KCNIP1: variants seen among roughly 807,000 people sequenced by gnomAD.
KCNIP1 encodes A-type potassium channel modulatory protein KCNIP1.
In KCNIP1, 18 loss-of-function variants were observed where a neutral mutation model predicts 33.0. The ratio of observed to expected loss-of-function variants is 0.55; its 90% CI spans 0.38 to 0.81. KCNIP1 has a LOEUF of 0.81. KCNIP1 is among the 30% of genes least tolerant of loss of function. KCNIP1 has a pLI of 0.00. For synonymous variants in KCNIP1, 93 were observed against 98.3 expected (o/e 0.95, Z 0.32); for missense variants, 238 against 271.6 (o/e 0.88, Z 0.87).
intron 1 of KCNIP1, among the ~76,000 whole-genome samples, chr5:170,707,278 G>A (rs1013429758): frequency 8.6e-5 from 13 of 151,994 alleles, no homozygotes; most frequent in African/African-American, 3.1e-4. Flanking sequence ...TGACATTTCT[G>A]CCTTGCAGCC....
chr5:170,714,275 C>G (rs1304066993), intron 1 of KCNIP1, among the ~76,000 whole-genome samples: 1 of 152,110 alleles, frequency 6.6e-6, no homozygotes, highest in African/African-American at 2.4e-5. Context: ...AGCGAGTTTG[C>G]AATTTGTGCT....
intron 1 of KCNIP1, among the ~76,000 whole-genome samples, chr5:170,567,916 A>T (rs182598053): frequency 9.8e-4 from 150 of 152,298 alleles, no homozygotes; most frequent in African/African-American, 3.5e-3. Flanking sequence ...CCCAGGCTAC[A>T]TCCTTGGCAA....
chr5:170,716,334 T>C (rs11134646), intron 1 of KCNIP1, among the ~76,000 whole-genome samples: 3,755 of 152,352 alleles, frequency 0.025, 66 homozygotes, highest in Non-Finnish European at 0.032. Context: ...ATTTCACTTA[T>C]ATACATGTGT....
chr5:170,532,847 CCTCCTCTTCCTCCTT>C (rs528292893), intron 1 of KCNIP1, among the ~76,000 whole-genome samples: 5 of 152,142 alleles, frequency 3.3e-5, no homozygotes, highest in Admixed American at 6.6e-5. Flanking sequence ...CTGATCCTCT[CCTCCTCTTCCTCCTT>C]CTCCTCTTCC....
chr5:170,447,996 T>C (rs1409214675), intron 1 of KCNIP1, among the ~76,000 whole-genome samples: 1 of 151,922 alleles, frequency 6.6e-6, no homozygotes, highest in Non-Finnish European at 1.5e-5. Flanking sequence ...TGAGAAGCCC[T>C]CCCAGATCAC....
At chr5:170,540,699 C>T (rs1756169231) in intron 1 of KCNIP1, among the ~76,000 whole-genome samples, 1 of 152,146 alleles carries the variant, frequency 6.6e-6, no homozygotes, top group Non-Finnish European at 1.5e-5. Flanking sequence ...TACCATGGTC[C>T]CACTCCTGCC....
chr5:170,358,158 C>G (rs1185983661), intron 1 of KCNIP1, among the ~76,000 whole-genome samples: 1 of 152,148 alleles, frequency 6.6e-6, no homozygotes, highest in Admixed American at 6.6e-5. Flanking sequence ...TCCTTCTGCA[C>G]TGGGAACAAA....
intron 1 of KCNIP1, among the ~76,000 whole-genome samples, chr5:170,470,612 G>C (rs1238105914): frequency 1.3e-5 from 2 of 152,230 alleles, no homozygotes; most frequent in African/African-American, 2.4e-5. Flanking sequence ...TTTAAAGGTA[G>C]AGGGGGAGAG....
chr5:170,598,889 CTG>C (rs10533640), intron 1 of KCNIP1, among the ~76,000 whole-genome samples: 85,063 of 141,260 alleles, frequency 0.6, 26,876 homozygotes, highest in South Asian at 0.71. Context: ...CATAGCCCCG[CTG>C]TGTGTGTGTG....
intron 1 of KCNIP1, among the ~76,000 whole-genome samples, chr5:170,626,480 C>T (rs930701780): frequency 3.9e-5 from 6 of 152,292 alleles, no homozygotes; most frequent in South Asian, 2.1e-4. Context: ...GCCTGGACAC[C>T]GACTAGGAAG....
intron 1 of KCNIP1, among the ~76,000 whole-genome samples, chr5:170,712,123 C>T (rs1203860939): frequency 1.3e-5 from 2 of 152,186 alleles, no homozygotes; most frequent in Non-Finnish European, 2.9e-5. Flanking sequence ...CACCCAGCTC[C>T]ACTGTGCCAT....
intron 1 of KCNIP1, among the ~76,000 whole-genome samples, chr5:170,582,238 G>C (rs1561698946): frequency 6.6e-6 from 1 of 152,216 alleles, no homozygotes; most frequent in Non-Finnish European, 1.5e-5. Flanking sequence ...GATGACAGTT[G>C]ATATGTAGAT....
intron 1 of KCNIP1, among the ~76,000 whole-genome samples, chr5:170,368,467 G>A (rs1361846502): frequency 6.6e-6 from 1 of 152,048 alleles, no homozygotes; most frequent in Non-Finnish European, 1.5e-5. Context: ...GTTTCACAAT[G>A]TTTTCCAGGA....
At chr5:170,390,513 A>ATATATATATATAT (rs1554088932) in intron 1 of KCNIP1, among the ~76,000 whole-genome samples, 2 of 28,844 alleles carry the variant, frequency 6.9e-5, no homozygotes, top group South Asian at 1.1e-3. Flanking sequence ...AAAAAAAAAA[A>ATATATATATATAT]ACAAATATAT....
chr5:170,540,883 G>T (rs1388819611), intron 1 of KCNIP1, among the ~76,000 whole-genome samples: 1 of 152,194 alleles, frequency 6.6e-6, no homozygotes, highest in Non-Finnish European at 1.5e-5. Flanking sequence ...ACACCGAAAG[G>T]TAGGTGGAGG....
chr5:170,355,219 A>T (rs540798151), intron 1 of KCNIP1, among the ~76,000 whole-genome samples: 3 of 152,120 alleles, frequency 2.0e-5, no homozygotes, highest in Admixed American at 6.5e-5. Context: ...TGAGCCCCCA[A>T]TGTGGAGGGC....
At chr5:170,361,396 G>A (rs79940950) in intron 1 of KCNIP1, among the ~76,000 whole-genome samples, 4,482 of 152,288 alleles carry the variant, frequency 0.029, 116 homozygotes, top group African/African-American at 0.067. Flanking sequence ...CAGTCTAGGG[G>A]CAGAAGAAAG....
At chr5:170,407,544 A>G (rs888130996) in intron 1 of KCNIP1, among the ~76,000 whole-genome samples, 7 of 152,234 alleles carry the variant, frequency 4.6e-5, no homozygotes, top group African/African-American at 1.7e-4. Flanking sequence ...TGACTGTTGA[A>G]TATTTTTTAA....
rs1756238919 is a variant in KCNIP1 at position 170,451,128 on chromosome 5, C to T, written c.88+97164C>T. Among the ~76,000 whole-genome samples, 3 of 152,200 alleles carry T rather than the reference C, an allele frequency of 2.0e-5. No individual in the cohort carries two copies. In the South Asian group the frequency reaches 6.2e-4, roughly 32 times the overall value. On this transcript the variant is annotated intron_variant, in intron 1 of 7. Transcript: ENST00000377360. ...CACAGAACATTGACATCAGACAAGG[C>T]TATTCTGACTGTGTTGGAGCAAGAC...
Sources: allele counts gnomAD v4.1 joint callset (sites outside exome capture counted in the v4.1 genomes callset), GRCh38; gene constraint gnomAD v4.1.1; transcripts MANE v1.5; gene names NCBI Gene and HGNC (gene_info 2026-07-23, HGNC 2026-07-21).